Variants in CNTN5 observed in about 807,000 individuals in gnomAD.
The protein encoded by CNTN5 is contactin-5.
A neutral mutation model predicts 129.1 loss-of-function variants in CNTN5; 77 were observed. The ratio of observed to expected loss-of-function variants is 0.60; its 90% CI spans 0.50 to 0.72. CNTN5 has a LOEUF of 0.72. CNTN5 is among the 30% of genes least tolerant of loss of function. The pLI is 0.00. For missense variants in CNTN5, 1,478 were observed against 1,328.8 expected (o/e 1.11, Z -1.75); for synonymous variants, 509 against 465.6 (o/e 1.09, Z -1.20).
chr11:99,315,044 T>C (rs1865283514), intron 1 of CNTN5, among the ~76,000 whole-genome samples: 1 of 147,934 alleles, frequency 6.8e-6, no homozygotes, highest in African/African-American at 2.4e-5. Flanking sequence ...AAACTTTAAG[T>C]AGCAATTAAA....
intron 1 of CNTN5, among the ~76,000 whole-genome samples, chr11:99,191,914 A>C (rs1332377328): frequency 6.6e-6 from 1 of 151,838 alleles, no homozygotes; most frequent in East Asian, 1.9e-4. Flanking sequence ...CAGCAAGAAT[A>C]AGTTAAGCCC....
chr11:100,262,003 G>C (rs1950209523), intron 17 of CNTN5, among the ~76,000 whole-genome samples: 1 of 152,152 alleles, frequency 6.6e-6, no homozygotes, highest in East Asian at 1.9e-4. Context: ...TCATCATAGT[G>C]AACAGCCAAC....
At chr11:99,344,428 T>C (rs1018158) in intron 2 of CNTN5, among the ~76,000 whole-genome samples, 70,066 of 151,900 alleles carry the variant, frequency 0.46, 16,324 homozygotes, top group East Asian at 0.58. Context: ...CATTGTTTCA[T>C]TTTTTAAAAA....
chr11:100,020,879 G>C (rs1335547988), intron 9 of CNTN5, among the ~76,000 whole-genome samples: 1 of 151,932 alleles, frequency 6.6e-6, no homozygotes, highest in East Asian at 1.9e-4. Context: ...TTAAAGGTTT[G>C]TACACTGAAA....
chr11:100,353,455 T>C (rs1952459401), intron 24 of CNTN5, among the ~76,000 whole-genome samples: 1 of 151,666 alleles, frequency 6.6e-6, no homozygotes, highest in Non-Finnish European at 1.5e-5. Flanking sequence ...GTTTTAGCTT[T>C]GTAGATTCTA....
intron 9 of CNTN5, among the ~76,000 whole-genome samples, chr11:100,039,036 A>G (rs945025750): frequency 1.3e-5 from 2 of 152,128 alleles, no homozygotes; most frequent in African/African-American, 4.8e-5. Flanking sequence ...TATTTTGCTC[A>G]TTAGTTGATG....
chr11:99,969,430 T>C (rs1951188420), intron 8 of CNTN5, among the ~76,000 whole-genome samples: 1 of 152,164 alleles, frequency 6.6e-6, no homozygotes, highest in Non-Finnish European at 1.5e-5. Context: ...GGCAAAGATA[T>C]ATTCACTTAC....
At chr11:99,820,846 C>A (rs1946779307) in intron 4 of CNTN5, among the ~76,000 whole-genome samples, 1 of 152,150 alleles carries the variant, frequency 6.6e-6, no homozygotes, top group African/African-American at 2.4e-5. Context: ...AATAAACATT[C>A]AAAGATACAT....
intron 1 of CNTN5, among the ~76,000 whole-genome samples, chr11:99,133,686 G>A (rs1859072374): frequency 2.0e-5 from 3 of 149,088 alleles, no homozygotes; most frequent in African/African-American, 7.4e-5. Context: ...TTAGAGAAAT[G>A]CAAATCAAAA....
intron 21 of CNTN5, among the ~76,000 whole-genome samples, chr11:100,324,562 T>G (rs1403435554): frequency 6.6e-6 from 1 of 152,148 alleles, no homozygotes; most frequent in Non-Finnish European, 1.5e-5. Context: ...TTAAATGCTC[T>G]TAGAATTTTT....
chr11:99,076,066 G>T (rs1008380351), intron 1 of CNTN5, among the ~76,000 whole-genome samples: 9 of 152,124 alleles, frequency 5.9e-5, no homozygotes, highest in African/African-American at 2.2e-4. Flanking sequence ...AGGCACAGTG[G>T]CTCACGCCTG....
At chr11:99,836,061 C>T (rs1947291984) in intron 4 of CNTN5, among the ~76,000 whole-genome samples, 1 of 150,934 alleles carries the variant, frequency 6.6e-6, no homozygotes, top group African/African-American at 2.4e-5. Flanking sequence ...GCTGGTTACC[C>T]ATTTTAATGG....
chr11:99,073,258 A>T (rs1172811445), intron 1 of CNTN5, among the ~76,000 whole-genome samples: 1 of 151,986 alleles, frequency 6.6e-6, no homozygotes, highest in East Asian at 1.9e-4. Context: ...GTTGAGTCAT[A>T]GACTAAGAAT....
chr11:100,307,681 A>C (rs1951383794), intron 20 of CNTN5, among the ~76,000 whole-genome samples: 1 of 151,714 alleles, frequency 6.6e-6, no homozygotes, highest in Non-Finnish European at 1.5e-5. Context: ...TATTCCTTAT[A>C]TAATCATGAA....
chr11:99,642,956 T>G (rs1177816916), intron 3 of CNTN5, among the ~76,000 whole-genome samples: 1 of 152,234 alleles, frequency 6.6e-6, no homozygotes, highest in Admixed American at 6.5e-5. Context: ...CGTATTCCAT[T>G]GTGTATGTAT....
At chr11:99,300,495 A>C (rs192515561) in intron 1 of CNTN5, among the ~76,000 whole-genome samples, 169 of 152,002 alleles carry the variant, frequency 1.1e-3, no homozygotes, top group African/African-American at 3.5e-3. Context: ...TATTTGTTTG[A>C]TATCCTGTTG....
intron 3 of CNTN5, among the ~76,000 whole-genome samples, chr11:99,617,588 T>G (rs1950800998): frequency 1.3e-5 from 2 of 152,148 alleles, no homozygotes; most frequent in Admixed American, 1.3e-4. Context: ...CAATGACAAC[T>G]TATGAAACAT....
At chr11:99,658,888 CAAA>C (rs10673721) in intron 3 of CNTN5, among the ~76,000 whole-genome samples, 59 of 119,204 alleles carry the variant, frequency 4.9e-4, no homozygotes, top group African/African-American at 1.7e-3. Context: ...AACTCTGTCT[CAAA>C]AAAAAAAAAA....
intron 2 of CNTN5, among the ~76,000 whole-genome samples, chr11:99,453,640 G>A (rs1944390791): frequency 6.6e-6 from 1 of 152,098 alleles, no homozygotes; most frequent in South Asian, 2.1e-4. Context: ...TTCAAATGAA[G>A]CAACAAAACC....
Sources: gnomAD v4.1 joint callset for allele counts (sites outside exome capture counted in the v4.1 genomes callset) on GRCh38, gnomAD v4.1.1 for gene constraint, MANE v1.5 for transcripts, NCBI Gene and HGNC (gene_info 2026-07-23, HGNC 2026-07-21) for gene names.